PPIC: variants seen among roughly 807,000 people sequenced by gnomAD.
PPIC encodes the protein peptidylprolyl isomerase C, also known as peptidyl-prolyl cis-trans isomerase C.
PPIC carries 19 observed loss-of-function variants against 19.5 expected under a neutral mutation model. The ratio of observed to expected loss-of-function variants is 0.98; its 90% CI spans 0.68 to 1.43. The LOEUF (loss-of-function observed/expected upper bound fraction) is 1.43. Among genes scored for constraint, PPIC ranks in the 40% most tolerant of loss-of-function variants. The pLI, the probability that PPIC is intolerant of heterozygous loss-of-function variation, is 0.00. For missense variants in PPIC, 268 were observed against 268.6 expected, an observed-to-expected ratio of 1.00 and a Z score of 0.02; for synonymous variants, 107 against 101.2, an observed-to-expected ratio of 1.06 and a Z score of -0.34.
In PPIC at chr5:123,023,952, G is replaced by A; in HGVS notation, c.562C>T (p.Leu188Phe). The A allele has an allele frequency of 6.2e-6, 10 of 1,614,112 alleles. No individual in the cohort carries two copies. Among genetic ancestry groups the A allele is most frequent in the Non-Finnish European group, 8.5e-6 (10 of 1,180,028 alleles). ...LQATDGHDRPLTNCSIINSGK... is the reference protein window; with the variant it reads ...LQATDGHDRPFTNCSIINSGK... ...CTGTTGATGATCGAGCAGTTGGTGA[G>A]TGGACGGTCATGCCCATCAGTTGCT... Residue 188 changes from leucine to phenylalanine, a missense_variant, in exon 5 of 5, where the codon CTC (leucine) becomes TTC (phenylalanine). Coordinates refer to ENST00000306442, the MANE Select transcript of PPIC (RefSeq NM_000943.5).
Position 123,023,643 on chromosome 5 carries a change from T to G in PPIC, c.*232A>C, listed in dbSNP as rs1010767619. The G allele has an allele frequency of 2.7e-5, 12 of 442,944 alleles. 1 individual carries two copies. Among genetic ancestry groups the G allele is most frequent in the African/African-American group, 2.4e-4 (12 of 49,402 alleles). 27.4% of individuals were successfully genotyped at this position (442,944 alleles called of 1,614,324 possible). On this transcript the variant is annotated 3_prime_UTR_variant, in exon 5 of 5. Coordinates refer to ENST00000306442, the MANE Select transcript of PPIC (RefSeq NM_000943.5). ...TTTTTTAGTTTTAAAATAGCACCAC[T>G]TGAGGAAGGGGATATATTTAAGTTC... is the stretch of plus-strand genomic sequence containing the variant.
chr5:123,025,613 A>G (rs914070084), intron 4 of PPIC, among the ~76,000 whole-genome samples, 171 bp downstream of exon 4: 1 of 152,224 alleles, frequency 6.6e-6, no homozygotes, highest in African/African-American at 2.4e-5. Flanking sequence ...TGCTGCGCCA[A>G]TGACCCTAAG....
Position 123,028,796 on chromosome 5 carries a change from T to C in PPIC, c.304A>G (p.Thr102Ala). The change falls in exon 3 of 5, where the codon ACC becomes GCC. Residue 102 changes from threonine to alanine, a missense_variant. By Grantham distance (58) the Thr-to-Ala change is moderately conservative (BLOSUM62 0). Coordinates refer to ENST00000306442, the MANE Select transcript of PPIC (RefSeq NM_000943.5). ...TTACCCCCAGTGCCATCTCCAGTGGTGATGTCACCTCCTTGAATCATGAAA... is the reference window on the plus strand; with the variant it reads ...TTACCCCCAGTGCCATCTCCAGTGGCGATGTCACCTCCTTGAATCATGAAA... ...KDFMIQGGDI[T>A]TGDGTGGVSI... 6.2e-7 allele frequency: 1 copy of C among 1,613,106 alleles called. No individual in the cohort carries two copies. Among genetic ancestry groups the C allele is most frequent in the Non-Finnish European group, 8.5e-7 (1 of 1,179,074 alleles).
intron 1 of PPIC, among the ~76,000 whole-genome samples, chr5:123,029,973 C>A (rs553494650): frequency 6.6e-6 from 1 of 152,268 alleles, no homozygotes; most frequent in East Asian, 1.9e-4. Context: ...TGATGAAACA[C>A]AGCAGTCCTT....
At chr5:123,028,381 GC>G (rs1337724872) in intron 3 of PPIC, 1 of 166,820 alleles carries the variant, frequency 6.0e-6, no homozygotes, top group Non-Finnish European at 1.3e-5. Flanking sequence ...CTGGCATGAG[GC>G]CCGTCTTCCT....
chr5:123,026,965 C>T (rs186538742), intron 3 of PPIC, among the ~76,000 whole-genome samples: 30 of 152,206 alleles, frequency 2.0e-4, no homozygotes, highest in East Asian at 5.8e-4. Context: ...GAGGCTGAGG[C>T]GGGCAGATCG....
Position 123,023,823 on chromosome 5 carries a change from C to CAT in PPIC, c.*51_*52insAT. ...AGACAACACAACACACACACACACA[C>CAT]ACACACACACACACCCCTGCCAAAG... On this transcript the variant is annotated 3_prime_UTR_variant, in exon 5 of 5. Transcript: ENST00000306442. 6.3e-7 allele frequency: 1 copy of CAT among 1,599,694 alleles called. No homozygotes were observed. The highest frequency in any genetic ancestry group is 1.1e-5 in the South Asian group (1 of 88,888).
At chr5:123,031,985 C>T (rs775044782) in intron 1 of PPIC, among the ~76,000 whole-genome samples, 7 of 152,114 alleles carry the variant, frequency 4.6e-5, no homozygotes, top group Admixed American at 2.0e-4. Flanking sequence ...TTACTAGAGA[C>T]GGGGTTTCGC....
intron 1 of PPIC, among the ~76,000 whole-genome samples, chr5:123,033,455 T>C (rs1299550736): frequency 6.6e-6 from 1 of 152,102 alleles, no homozygotes; most frequent in East Asian, 1.9e-4. Context: ...TTCAGCTTCC[T>C]CTCTCTCCAC....
At chr5:123,034,832 A>T (rs1762984012) in intron 1 of PPIC, among the ~76,000 whole-genome samples, 1 of 151,728 alleles carries the variant, frequency 6.6e-6, no homozygotes, top group Admixed American at 6.6e-5. Context: ...AATGATTACC[A>T]CCCTAATCCA....
chr5:123,024,216 A>G (rs1454143706), intron 4 of PPIC, among the ~76,000 whole-genome samples: 1 of 152,134 alleles, frequency 6.6e-6, no homozygotes, highest in Admixed American at 6.5e-5. Context: ...AATAAAATTC[A>G]CCCATGACCT....
chr5:123,025,976 A>C lies in PPIC; in HGVS notation c.326-8T>G, dbSNP rs1561748454. The C allele has an allele frequency of 6.3e-7, 1 of 1,580,438 alleles. No homozygotes were observed. On this transcript the variant is annotated splice_region_variant and splice_polypyrimidine_tract_variant and intron_variant, in intron 3 of 4. Coordinates refer to ENST00000306442, the MANE Select transcript of PPIC (RefSeq NM_000943.5). ...CACCATAGATGCTCACACCTGAGAC[A>C]AAACAAGGAAGAAAGTCAACAGATG...
intron 1 of PPIC, among the ~76,000 whole-genome samples, chr5:123,032,699 T>G (rs1317623152): frequency 6.6e-6 from 1 of 152,112 alleles, no homozygotes; most frequent in Non-Finnish European, 1.5e-5. Context: ...GGAGCTTCAG[T>G]CCAACAGAAA....
chr5:123,031,937 C>T (rs1762948575), intron 1 of PPIC, among the ~76,000 whole-genome samples: 1 of 152,204 alleles, frequency 6.6e-6, no homozygotes, highest in Admixed American at 6.5e-5. Context: ...GCTGGGATTA[C>T]AGGTGTGTAC....
At chr5:123,025,580 T>C (rs1267632676) in intron 4 of PPIC, among the ~76,000 whole-genome samples, 1 of 152,194 alleles carries the variant, frequency 6.6e-6, no homozygotes, top group Non-Finnish European at 1.5e-5. Context: ...TAGTCCTTAA[T>C]TTCTCCTTGT....
chr5:123,031,774 G>C lies in PPIC; in HGVS notation c.118-2356C>G, dbSNP rs554763558. Among the ~76,000 whole-genome samples, 3 of 152,254 alleles carry C rather than the reference G, an allele frequency of 2.0e-5. No homozygotes were observed. In the South Asian group the frequency reaches 6.2e-4, roughly 32 times the overall value. On this transcript the variant is annotated intron_variant, in intron 1 of 4. Transcript: ENST00000306442. Reference sequence around the variant, plus strand: ...GGGGTGGTGGCAGAAGGAAATGTACGAGGGAGACAGAAAAGGCATTTATTT... The same window carrying C: ...GGGGTGGTGGCAGAAGGAAATGTACCAGGGAGACAGAAAAGGCATTTATTT...
chr5:123,036,198 G>A lies in PPIC; in HGVS notation c.117+311C>T, dbSNP rs1581877448. 7.3e-6 allele frequency: 3 copies of A among 410,258 alleles called. No individual in the cohort carries two copies. Among genetic ancestry groups the A allele is most frequent in the Non-Finnish European group, 1.3e-5 (3 of 224,386 alleles). 25.4% of individuals were successfully genotyped at this position (410,258 alleles called of 1,614,324 possible). ...GGGCAGTCTCTTTCCTGGAGAACGGGCCCGCCGGTTCCGGAAGCCTCTCCT... is the reference window on the plus strand; with the variant it reads ...GGGCAGTCTCTTTCCTGGAGAACGGACCCGCCGGTTCCGGAAGCCTCTCCT... On this transcript the variant is annotated intron_variant, in intron 1 of 4. Transcript: ENST00000306442. The surrounding 1 kb of genome is among the most constrained non-coding windows in gnomAD (Gnocchi z 4.5).
chr5:123,035,664 A>G (rs957332132), intron 1 of PPIC, among the ~76,000 whole-genome samples: 3 of 151,994 alleles, frequency 2.0e-5, no homozygotes, highest in Non-Finnish European at 4.4e-5. Context: ...CGAAGACACT[A>G]TTGCCAGTGG....
chr5:123,029,126 T>C, intron 2 of PPIC, 179 bp downstream of exon 2: 5 of 1,196,948 alleles, frequency 4.2e-6, no homozygotes, highest in Non-Finnish European at 4.6e-6. Context: ...TTTCTCCCAA[T>C]TTCCAGAAGC....
Sources: allele counts gnomAD v4.1 joint callset (sites outside exome capture counted in the v4.1 genomes callset), GRCh38; gene constraint gnomAD v4.1.1; non-coding constraint Gnocchi (gnomAD v3.1); transcripts MANE v1.5; gene names NCBI Gene and HGNC (gene_info 2026-07-23, HGNC 2026-07-21).